WDPCP: variants seen among roughly 807,000 people sequenced by gnomAD.
The protein encoded by WDPCP is WD repeat-containing and planar cell polarity effector protein fritz homolog.
A neutral mutation model predicts 93.1 loss-of-function variants in WDPCP; 71 were observed. The observed-to-expected ratio is 0.76, with a 90% CI of 0.63 to 0.93. The LOEUF (loss-of-function observed/expected upper bound fraction) is 0.93. Ranked by LOEUF, WDPCP falls within the 40% of genes least tolerant of loss-of-function variation. The probability of loss-of-function intolerance (pLI) is 0.00; values close to 1 mark genes in which losing one functional copy is unlikely to be tolerated. For missense variants in WDPCP, 844 were observed against 887.4 expected (o/e 0.95, Z 0.62); for synonymous variants, 315 against 315.0 (o/e 1.00, Z 0.00).
intron 1 of WDPCP, among the ~76,000 whole-genome samples, chr2:63,826,765 T>C (rs1489138887): frequency 6.6e-6 from 1 of 152,140 alleles, no homozygotes; most frequent in Non-Finnish European, 1.5e-5. Context: ...TTCTACTCTT[T>C]AAAAAATAAA....
At chr2:63,688,001 C>G (rs1055611534) in intron 2 of WDPCP, among the ~76,000 whole-genome samples, 3 of 152,148 alleles carry the variant, frequency 2.0e-5, no homozygotes, top group African/African-American at 7.2e-5. Context: ...GAGTACTATT[C>G]AGCATAAAAA....
At chr2:63,459,653 C>G (rs1349884259) in intron 6 of WDPCP, among the ~76,000 whole-genome samples, 2 of 152,152 alleles carry the variant, frequency 1.3e-5, no homozygotes, top group Non-Finnish European at 2.9e-5. Context: ...TGGTGGCTCA[C>G]GCCTGTAATC....
intron 3 of WDPCP, among the ~76,000 whole-genome samples, chr2:63,627,132 C>T (rs1360260139): frequency 2.0e-5 from 3 of 152,164 alleles, no homozygotes; most frequent in African/African-American, 7.2e-5. Context: ...ACATTAATCT[C>T]AAATGCTATA....
chr2:63,433,790 G>C lies in WDPCP; in HGVS notation c.780C>G (p.Asp260Glu), dbSNP rs758933889. ...AACCCAGGAGGAGTAGATTGGCTCT[G>C]TCCTTCTCAGAAGAAATGGGGGCCC... ...WPWAPISSEK[D>E]RANLLLLGYA... Residue 260 changes from aspartate to glutamate, a missense_variant, in exon 9 of 18, where the codon GAC becomes GAG. Physicochemically the swap from Asp to Glu is conservative, Grantham distance 45. Transcript: ENST00000272321. The C allele has an allele frequency of 6.2e-7, 1 of 1,612,248 alleles. No individual in the cohort carries two copies. The highest frequency in any genetic ancestry group is 8.5e-7 in the Non-Finnish European group (1 of 1,178,478).
intron 1 of WDPCP, among the ~76,000 whole-genome samples, chr2:63,554,761 T>C (rs1705951812): frequency 6.6e-6 from 1 of 152,190 alleles, no homozygotes; most frequent in Non-Finnish European, 1.5e-5. Flanking sequence ...AAATGGTGAT[T>C]GAGTCCTGAA....
chr2:63,599,375 T>C (rs1709379507), intron 3 of WDPCP: 3 of 1,429,084 alleles, frequency 2.1e-6, no homozygotes, highest in Non-Finnish European at 1.9e-6. Context: ...GAATCTGAGT[T>C]TGTGCTTTTT....
chr2:63,777,269 A>T (rs1207877589), intron 2 of WDPCP, among the ~76,000 whole-genome samples: 1 of 152,236 alleles, frequency 6.6e-6, no homozygotes, highest in Non-Finnish European at 1.5e-5. Context: ...TGCAAATTAA[A>T]ACCATACCTA....
chr2:63,696,032 A>C (rs1668956091), intron 2 of WDPCP, among the ~76,000 whole-genome samples: 1 of 152,140 alleles, frequency 6.6e-6, no homozygotes. Flanking sequence ...TCCATGTATT[A>C]AGGGAATTCT....
intron 1 of WDPCP, among the ~76,000 whole-genome samples, chr2:63,543,363 A>AAG: frequency 6.6e-6 from 1 of 152,276 alleles, no homozygotes; most frequent in African/African-American, 2.4e-5. Flanking sequence ...TTGAAATGAT[A>AAG]AGACAGCCTT....
intron 9 of WDPCP, among the ~76,000 whole-genome samples, chr2:63,426,927 C>A (rs2105402203): frequency 6.6e-6 from 1 of 152,164 alleles, no homozygotes; most frequent in Non-Finnish European, 1.5e-5. Flanking sequence ...CAAAAAAGAG[C>A]CGGGGCCACT....
At chr2:63,236,683 AC>A (rs1371401762) in intron 14 of WDPCP, among the ~76,000 whole-genome samples, 1 of 152,186 alleles carries the variant, frequency 6.6e-6, no homozygotes, top group African/African-American at 2.4e-5. Context: ...CTGTACGCCT[AC>A]AACCAACTGA....
intron 2 of WDPCP, among the ~76,000 whole-genome samples, chr2:63,660,629 A>T (rs1710216150): frequency 6.6e-6 from 1 of 152,188 alleles, no homozygotes; most frequent in Non-Finnish European, 1.5e-5. Flanking sequence ...CTAAAATAAA[A>T]GTTGAAATAT....
intron 3 of WDPCP, among the ~76,000 whole-genome samples, chr2:63,625,586 A>C (rs868551597): frequency 6.6e-6 from 1 of 152,204 alleles, no homozygotes; most frequent in Admixed American, 6.5e-5. Context: ...CAATTGCCAC[A>C]AAGAGAATAA....
chr2:63,751,813 C>G lies in WDPCP; in HGVS notation n.308+61809G>C, dbSNP rs79910719. On this transcript the variant is annotated intron_variant and non_coding_transcript_variant, in intron 2 of 4. Coordinates refer to the WDPCP transcript ENST00000467687. ...CAGTGCTTCTGCTTCCATAGTTCTC[C>G]CATTCATGGGTCCAAAATTTGAAGA... is the stretch of plus-strand genomic sequence containing the variant. 1.4e-4 allele frequency: 93 copies of G among 663,368 alleles called. No homozygotes were observed. In the African/African-American group the frequency reaches 1.5e-3, roughly 11 times the overall value. 41.1% of individuals were successfully genotyped at this position (663,368 alleles called of 1,614,324 possible). A position where few individuals can be genotyped will look rare whatever the true frequency, so the allele number is the denominator to read the frequency against.
At chr2:63,494,037 C>T (rs1368148343) in intron 1 of WDPCP, among the ~76,000 whole-genome samples, 1 of 152,100 alleles carries the variant, frequency 6.6e-6, no homozygotes, top group African/African-American at 2.4e-5. Context: ...TACAAACTTC[C>T]TCGGCCCGCC....
intron 4 of WDPCP, among the ~76,000 whole-genome samples, chr2:63,486,338 T>C (rs968659482): frequency 2.3e-4 from 35 of 151,876 alleles, no homozygotes; most frequent in Non-Finnish European, 4.4e-5. Context: ...AACAAACATT[T>C]TATCAAAATT....
At chr2:63,403,885 A>G (rs896469793) in intron 10 of WDPCP, 163 bp downstream of exon 10, 1 of 925,014 alleles carries the variant, frequency 1.1e-6, no homozygotes, top group Non-Finnish European at 1.6e-6. Context: ...TTTGGCAGTT[A>G]GAAAGTCATC....
At chr2:63,306,282 C>T (rs1200711607) in intron 13 of WDPCP, among the ~76,000 whole-genome samples, 1 of 152,172 alleles carries the variant, frequency 6.6e-6, no homozygotes, top group Non-Finnish European at 1.5e-5. Flanking sequence ...CAGGACCAGA[C>T]AGATTCACAG....
At chr2:63,463,057 G>T (rs1699123293) in intron 6 of WDPCP, among the ~76,000 whole-genome samples, 1 of 151,822 alleles carries the variant, frequency 6.6e-6, no homozygotes, top group African/African-American at 2.4e-5. Flanking sequence ...AGAGCAGATG[G>T]TTCAGAATTG....
Sources: gnomAD v4.1 joint callset for allele counts (sites outside exome capture counted in the v4.1 genomes callset) on GRCh38, gnomAD v4.1.1 for gene constraint, MANE v1.5 for transcripts, NCBI Gene and HGNC (gene_info 2026-07-23, HGNC 2026-07-21) for gene names.